The following GRIK2 variants were observed in gnomAD, a reference collection of about 807,000 sequenced individuals.
GRIK2 encodes glutamate receptor ionotropic, kainate 2.
A neutral mutation model predicts 100.3 loss-of-function variants in GRIK2; 32 were observed. The observed-to-expected ratio is 0.32, with a 90% CI of 0.24 to 0.43. The LOEUF (loss-of-function observed/expected upper bound fraction) is 0.43, where lower values mean the gene tolerates loss of function less well. Ranked by LOEUF, GRIK2 falls within the 20% of genes least tolerant of loss-of-function variation. The pLI, the probability that GRIK2 is intolerant of heterozygous loss-of-function variation, is 1.00. For synonymous variants in GRIK2, 417 were observed against 389.4 expected, an observed-to-expected ratio of 1.07 and a Z score of -0.83; for missense variants, 843 against 1,114.9, an observed-to-expected ratio of 0.76 and a Z score of 3.47.
At chr6:101,988,090 AGTGTGTGTGTGTGTGTGTGTGT>A (rs57491735) in intron 14 of GRIK2, among the ~76,000 whole-genome samples, 1 of 141,426 alleles carries the variant, frequency 7.1e-6, no homozygotes, top group East Asian at 2.1e-4. Context: ...CCAGTATTAT[AGTGTGTGTGTGTGTGTGTGTGT>A]GTGTGTGTGT....
chr6:101,558,966 T>C (rs1301468142), intron 2 of GRIK2, among the ~76,000 whole-genome samples: 1 of 152,124 alleles, frequency 6.6e-6, no homozygotes, highest in African/African-American at 2.4e-5. Context: ...TTCTGTATTC[T>C]TTATCTCGTT....
chr6:101,510,510 GTTTTTTTTTTTTTTTT>G (rs142391999), intron 2 of GRIK2, among the ~76,000 whole-genome samples: 2 of 94,346 alleles, frequency 2.1e-5, no homozygotes, highest in Non-Finnish European at 4.1e-5. Flanking sequence ...CAGTTGGGGA[GTTTTTTTTTTTTTTTT>G]TTTTTTTTTT....
intron 12 of GRIK2, among the ~76,000 whole-genome samples, chr6:101,903,239 C>T (rs1290402722): frequency 6.6e-6 from 1 of 151,830 alleles, no homozygotes; most frequent in East Asian, 1.9e-4. Flanking sequence ...TTTCTTTTAT[C>T]TGAGCTTACT....
intron 10 of GRIK2, among the ~76,000 whole-genome samples, chr6:101,840,020 G>A (rs1226691155): frequency 2.0e-5 from 3 of 152,008 alleles, no homozygotes; most frequent in Non-Finnish European, 4.4e-5. Context: ...CATGAATAAT[G>A]GTGTGATAGT....
At chr6:102,035,644 C>T (rs769074114) in intron 15 of GRIK2, 78 bp downstream of exon 15, 118 of 764,048 alleles carry the variant, frequency 1.5e-4, no homozygotes, top group Middle Eastern at 9.8e-4. Flanking sequence ...AGTGTGTCCA[C>T]GTATGCCATT....
intron 4 of GRIK2, among the ~76,000 whole-genome samples, chr6:101,629,768 G>A (rs1780634733): frequency 6.6e-6 from 1 of 151,990 alleles, no homozygotes; most frequent in African/African-American, 2.4e-5. Flanking sequence ...TTTGTTACAA[G>A]GCTATATTGC....
chr6:101,640,936 A>C (rs1464408767), intron 4 of GRIK2, among the ~76,000 whole-genome samples: 1 of 152,176 alleles, frequency 6.6e-6, no homozygotes, highest in African/African-American at 2.4e-5. Flanking sequence ...AAAATGTTTA[A>C]ACAAGCATAA....
intron 11 of GRIK2, among the ~76,000 whole-genome samples, chr6:101,860,600 A>G (rs1582400254): frequency 1.3e-5 from 2 of 152,300 alleles, no homozygotes; most frequent in Middle Eastern, 3.4e-3. Context: ...TAGCCATTCA[A>G]TGGTCGTGGT....
At chr6:101,407,467 A>G (rs1032643132) in intron 2 of GRIK2, among the ~76,000 whole-genome samples, 4 of 152,250 alleles carry the variant, frequency 2.6e-5, no homozygotes, top group African/African-American at 9.6e-5. Flanking sequence ...TTTTCAGTGT[A>G]GCCTCTGACT....
intron 4 of GRIK2, among the ~76,000 whole-genome samples, chr6:101,643,083 G>T (rs938483945): frequency 2.0e-5 from 3 of 151,422 alleles, no homozygotes; most frequent in Non-Finnish European, 4.4e-5. Context: ...TTGATTCATT[G>T]GTTGTTGAGT....
At chr6:101,567,170 A>G (rs990257104) in intron 2 of GRIK2, among the ~76,000 whole-genome samples, 5 of 151,752 alleles carry the variant, frequency 3.3e-5, no homozygotes, top group African/African-American at 1.2e-4. Flanking sequence ...AGGCACCTTA[A>G]ATATTTTTTG....
chr6:101,963,336 C>T (rs1285482399), intron 14 of GRIK2, among the ~76,000 whole-genome samples: 3 of 94,616 alleles, frequency 3.2e-5, no homozygotes, highest in South Asian at 3.9e-4. Flanking sequence ...CTAGCTCTGT[C>T]GCCCAGGCTG....
At chr6:101,441,655 G>A (rs1446695197) in intron 2 of GRIK2, among the ~76,000 whole-genome samples, 2 of 152,026 alleles carry the variant, frequency 1.3e-5, no homozygotes, top group African/African-American at 4.8e-5. Context: ...TGTTAGTTTA[G>A]GTTCCAGGGG....
chr6:101,434,946 G>C (rs1434376517), intron 2 of GRIK2, among the ~76,000 whole-genome samples: 1 of 114,426 alleles, frequency 8.7e-6, no homozygotes, highest in Non-Finnish European at 1.8e-5. Flanking sequence ...TCCTGAGGAA[G>C]AGCCTAAGGA....
chr6:101,943,482 C>G (rs540688508), intron 14 of GRIK2, among the ~76,000 whole-genome samples: 3 of 152,302 alleles, frequency 2.0e-5, no homozygotes, highest in African/African-American at 7.2e-5. Flanking sequence ...CTGGAAAAGC[C>G]ACAGACACTC....
intron 14 of GRIK2, among the ~76,000 whole-genome samples, chr6:101,971,218 A>G (rs1197228053): frequency 6.9e-6 from 1 of 144,440 alleles, no homozygotes; most frequent in Non-Finnish European, 1.5e-5. Flanking sequence ...TTTGTTAGCT[A>G]AAAAGTACTC....
At chr6:101,525,505 A>G (rs1775106509) in intron 2 of GRIK2, among the ~76,000 whole-genome samples, 3 of 152,194 alleles carry the variant, frequency 2.0e-5, no homozygotes, top group African/African-American at 7.2e-5. Flanking sequence ...AACAGTAAAA[A>G]TAGGGGAAAA....
intron 10 of GRIK2, among the ~76,000 whole-genome samples, chr6:101,857,536 A>G (rs1327202036): frequency 3.3e-5 from 5 of 152,168 alleles, no homozygotes; most frequent in African/African-American, 1.2e-4. Flanking sequence ...GATAGCTCTC[A>G]TGGGATGACT....
intron 15 of GRIK2, among the ~76,000 whole-genome samples, chr6:102,050,436 G>A (rs991417531): frequency 1.3e-5 from 2 of 151,812 alleles, no homozygotes; most frequent in African/African-American, 4.8e-5. Context: ...GGTGGATCAC[G>A]AGGTCAAGAG....
Sources: gnomAD v4.1 joint callset for allele counts (sites outside exome capture counted in the v4.1 genomes callset) on GRCh38, gnomAD v4.1.1 for gene constraint, MANE v1.5 for transcripts, NCBI Gene and HGNC (gene_info 2026-07-23, HGNC 2026-07-21) for gene names.